TMED10: variants seen among roughly 807,000 people sequenced by gnomAD.
TMED10 encodes the protein transmembrane emp24 domain-containing protein 10.
A neutral mutation model predicts 23.1 loss-of-function variants in TMED10; 7 were observed. The ratio of observed to expected loss-of-function variants is 0.30; its 90% CI spans 0.17 to 0.57. The LOEUF (loss-of-function observed/expected upper bound fraction) is 0.57. TMED10 is among the 20% of genes least tolerant of loss of function. The probability of loss-of-function intolerance (pLI) is 0.91; values close to 1 mark genes in which losing one functional copy is unlikely to be tolerated. For synonymous variants in TMED10, 113 were observed against 106.9 expected (o/e 1.06, Z -0.35); for missense variants, 162 against 274.8 (o/e 0.59, Z 2.90).
At chr14:75,166,130 TAAAAAC>T (rs1199659452) in intron 1 of TMED10, among the ~76,000 whole-genome samples, 1 of 152,092 alleles carries the variant, frequency 6.6e-6, no homozygotes, top group Non-Finnish European at 1.5e-5. Context: ...TTATTTACGG[TAAAAAC>T]CTCCAGCGTG....
At chr14:75,142,267 G>A (rs1895832515) in intron 3 of TMED10, among the ~76,000 whole-genome samples, 2 of 152,110 alleles carry the variant, frequency 1.3e-5, no homozygotes, top group Admixed American at 6.6e-5. Flanking sequence ...GTTACAAGGT[G>A]CTTCATTTTG....
intron 1 of TMED10, 97 bp downstream of exon 1, chr14:75,176,258 T>G: frequency 6.8e-7 from 1 of 1,471,652 alleles, no homozygotes; most frequent in Non-Finnish European, 9.3e-7. Flanking sequence ...CCAGAACAAC[T>G]CCCAGGCCTC....
chr14:75,136,624 T>C (rs759555423), intron 3 of TMED10: 4 of 152,248 alleles, frequency 2.6e-5, no homozygotes, highest in Non-Finnish European at 5.9e-5. Flanking sequence ...AATGTGAGCA[T>C]GTGTTGTTAT....
At chr14:75,163,981 G>A (rs1566674900) in intron 1 of TMED10, among the ~76,000 whole-genome samples, 1 of 152,106 alleles carries the variant, frequency 6.6e-6, no homozygotes. Flanking sequence ...TTGTCACATA[G>A]CAGGCATTCA....
intron 1 of TMED10, among the ~76,000 whole-genome samples, chr14:75,165,719 CTT>C (rs1896152281): frequency 6.6e-6 from 1 of 152,222 alleles, no homozygotes. Flanking sequence ...CAAAGTCAAA[CTT>C]AGCCCACAGG....
At chr14:75,157,258 T>C (rs1896031081) in intron 1 of TMED10, among the ~76,000 whole-genome samples, 1 of 152,240 alleles carries the variant, frequency 6.6e-6, no homozygotes, top group Admixed American at 6.5e-5. Context: ...TTTACAAACA[T>C]AATCTTTAAT....
At chr14:75,175,986 G>A in intron 1 of TMED10, 1 of 287,604 alleles carries the variant, frequency 3.5e-6, no homozygotes, top group South Asian at 3.5e-5. Flanking sequence ...TGCAGGTATC[G>A]CGGTATCTTA....
intron 3 of TMED10, among the ~76,000 whole-genome samples, chr14:75,138,812 CTT>C (rs59707221): frequency 1.1e-5 from 1 of 95,050 alleles, no homozygotes; most frequent in African/African-American, 3.6e-5. Flanking sequence ...GCCTTTGCTT[CTT>C]TTTTTTTTTT....
intron 1 of TMED10, among the ~76,000 whole-genome samples, chr14:75,174,648 C>G (rs1477295603): frequency 6.6e-6 from 1 of 152,170 alleles, no homozygotes; most frequent in East Asian, 1.9e-4. Context: ...TAGTTTGTCT[C>G]TCCCAAATAA....
intron 3 of TMED10, among the ~76,000 whole-genome samples, chr14:75,147,027 G>T (rs1425141944): frequency 6.6e-6 from 1 of 152,014 alleles, no homozygotes; most frequent in Non-Finnish European, 1.5e-5. Context: ...ACAAATAACT[G>T]AATTCCAGCT....
intron 3 of TMED10, among the ~76,000 whole-genome samples, chr14:75,147,347 C>T (rs1278511378): frequency 6.6e-6 from 1 of 152,116 alleles, no homozygotes; most frequent in Non-Finnish European, 1.5e-5. Context: ...GCGCACGCCA[C>T]CACTCCTGGC....
chr14:75,161,169 A>C (rs565564131), intron 1 of TMED10, among the ~76,000 whole-genome samples: 1 of 152,340 alleles, frequency 6.6e-6, no homozygotes, highest in South Asian at 2.1e-4. Flanking sequence ...AGATAAACTC[A>C]TTTAAAATTG....
At chr14:75,175,304 G>A (rs2139867160) in intron 1 of TMED10, among the ~76,000 whole-genome samples, 1 of 152,242 alleles carries the variant, frequency 6.6e-6, no homozygotes, top group Admixed American at 6.5e-5. Flanking sequence ...TTACATAAAA[G>A]AGCCAAGTCC....
chr14:75,151,406 A>G (rs1355035289), intron 2 of TMED10, among the ~76,000 whole-genome samples: 1 of 151,120 alleles, frequency 6.6e-6, no homozygotes, highest in African/African-American at 2.4e-5. Context: ...TTTAGTAGAG[A>G]CAGGGTTTCA....
At chr14:75,168,780 T>C (rs1032381077) in intron 1 of TMED10, among the ~76,000 whole-genome samples, 6 of 152,326 alleles carry the variant, frequency 3.9e-5, no homozygotes, top group Admixed American at 3.3e-4. Context: ...TACAACAATG[T>C]GTACGTTAAA....
intron 2 of TMED10, among the ~76,000 whole-genome samples, chr14:75,150,028 G>A (rs1176760309): frequency 3.9e-5 from 6 of 152,026 alleles, no homozygotes; most frequent in Non-Finnish European, 8.8e-5. Context: ...ACTTGAACCC[G>A]GTAAAGTTGC....
rs1895973572 is a variant in TMED10, at chr14:75,153,008, G to A, written c.226-865C>T. Reference sequence around the variant, plus strand: ...GCAGTGGCATATGCCTGTAGTCCCAGCTACTCAGGAGGCTGAGGCAGGAGA... The same window carrying A: ...GCAGTGGCATATGCCTGTAGTCCCAACTACTCAGGAGGCTGAGGCAGGAGA... On this transcript the variant is annotated intron_variant, in intron 1 of 4. Coordinates refer to ENST00000303575, the MANE Select transcript of TMED10 (RefSeq NM_006827.6). Among the ~76,000 whole-genome samples the A allele has an allele frequency of 2.0e-5, 3 of 152,216 alleles. No individual in the cohort carries two copies. The South Asian group carries it at 6.2e-4, about 32-fold the overall frequency.
In TMED10 at chr14:75,138,534, C is replaced by CA. The variant is rs536123422; in HGVS notation, c.412-2649dup. ...ATTGATCTCATATAGAGCTGCAGAA[C>CA]AAAAAAAAATTCCTCAAGAAAAATA... On this transcript the variant is annotated intron_variant, in intron 3 of 4. Coordinates refer to ENST00000303575, the MANE Select transcript of TMED10 (RefSeq NM_006827.6). Among the ~76,000 whole-genome samples, 541 of 151,198 alleles carry CA rather than the reference C, an allele frequency of 3.6e-3. 14 individuals carry two copies. The highest frequency in any genetic ancestry group is 0.026 in the Admixed American group (396 of 15,196).
At chr14:75,150,769 C>T (rs1156910249) in intron 2 of TMED10, among the ~76,000 whole-genome samples, 3 of 152,186 alleles carry the variant, frequency 2.0e-5, no homozygotes, top group African/African-American at 4.8e-5. Flanking sequence ...TCAGAATGGT[C>T]GAGTCCAGAC....
Sources: allele counts gnomAD v4.1 joint callset (sites outside exome capture counted in the v4.1 genomes callset), GRCh38; gene constraint gnomAD v4.1.1; transcripts MANE v1.5; gene names NCBI Gene and HGNC (gene_info 2026-07-23, HGNC 2026-07-21).